Variants in DTNA observed in about 807,000 individuals in gnomAD.
DTNA encodes the protein dystrophin-related protein 3.
Under a neutral mutation model 100.7 loss-of-function variants are expected in DTNA, and 43 were observed. The ratio of observed to expected loss-of-function variants is 0.43; its 90% confidence interval spans 0.33 to 0.55. The LOEUF is 0.55. Among genes scored for constraint, DTNA ranks in the 20% least tolerant of loss-of-function variants. The pLI, the probability that DTNA is intolerant of heterozygous loss-of-function variation, is 0.04. For missense variants in DTNA, 798 were observed against 953.9 expected (o/e 0.84, Z 2.15); for synonymous variants, 349 against 347.9 (o/e 1.00, Z -0.04).
intron 3 of DTNA, among the ~76,000 whole-genome samples, chr18:34,777,924 C>T (rs2094138851): frequency 6.6e-6 from 1 of 152,182 alleles, no homozygotes; most frequent in Non-Finnish European, 1.5e-5. Flanking sequence ...GTGATCTGAA[C>T]TTTGACTTTT....
chr18:34,509,810 A>G (rs2040854835), intron 1 of DTNA, among the ~76,000 whole-genome samples: 1 of 152,096 alleles, frequency 6.6e-6, no homozygotes, highest in Non-Finnish European at 1.5e-5. Flanking sequence ...TGTAACAGCT[A>G]AAAATAAAAG....
rs149659148 is a variant in DTNA at position 34,526,462 on chromosome 18, T to C, written c.-2+32948T>C. Among the ~76,000 whole-genome samples, 1,226 of 152,262 alleles carry C rather than the reference T, an allele frequency of 8.1e-3. 15 individuals are homozygous for C. Among genetic ancestry groups the C allele is most frequent in the African/African-American group, 0.027 (1,129 of 41,568 alleles). On this transcript the variant is annotated intron_variant, in intron 1 of 19. Transcript: ENST00000283365. ...TGAAAATAGGGATAATGATGGTACCTCTATCAAGGGTTTTGGTGAGTATGT... is the reference window on the plus strand; with the variant it reads ...TGAAAATAGGGATAATGATGGTACCCCTATCAAGGGTTTTGGTGAGTATGT...
chr18:34,652,816 T>C (rs1278772346), intron 1 of DTNA, among the ~76,000 whole-genome samples: 2 of 152,214 alleles, frequency 1.3e-5, no homozygotes, highest in African/African-American at 4.8e-5. Context: ...ATGAGACTTC[T>C]GTTCTAGGTG....
chr18:34,568,913 G>T (rs766504917), intron 1 of DTNA, among the ~76,000 whole-genome samples: 55 of 152,256 alleles, frequency 3.6e-4, no homozygotes, highest in Admixed American at 6.5e-4. Flanking sequence ...GCCACACCTG[G>T]CCCATTTCTC....
chr18:34,836,009 A>T (rs2149681293), intron 11 of DTNA, among the ~76,000 whole-genome samples: 1 of 152,360 alleles, frequency 6.6e-6, no homozygotes, highest in East Asian at 1.9e-4. Context: ...TTTTGCAAGC[A>T]TCTGAAATAA....
intron 18 of DTNA, among the ~76,000 whole-genome samples, chr18:34,876,650 A>G (rs921526932): frequency 1.3e-5 from 2 of 152,202 alleles, no homozygotes; most frequent in Admixed American, 1.3e-4. Context: ...AGTGCGAGGA[A>G]AAAGGTACTC....
At chr18:34,501,829 G>A (rs566846796) in intron 1 of DTNA, among the ~76,000 whole-genome samples, 12 of 152,226 alleles carry the variant, frequency 7.9e-5, no homozygotes, top group South Asian at 2.1e-4. Flanking sequence ...ATGTTTTCAC[G>A]TGGTCTTTTC....
chr18:34,784,389 T>C (rs9961576), intron 3 of DTNA, among the ~76,000 whole-genome samples: 39,823 of 152,062 alleles, frequency 0.26, 5,396 homozygotes, highest in African/African-American at 0.32. Flanking sequence ...TAGGTCAATA[T>C]AAAATCTAAA....
At chr18:34,709,178 T>C (rs1301322251), upstream of DTNA, among the ~76,000 whole-genome samples, 2 of 152,178 alleles carry the variant, frequency 1.3e-5, no homozygotes, top group Admixed American at 1.3e-4. Flanking sequence ...TAGCCCTACC[T>C]AGTGCCAAGT....
chr18:34,618,784 AT>A (rs2055851873), intron 1 of DTNA, among the ~76,000 whole-genome samples: 1 of 152,188 alleles, frequency 6.6e-6, no homozygotes, highest in African/African-American at 2.4e-5. Flanking sequence ...GAAAACCTGT[AT>A]TTTTAAAATA....
intron 1 of DTNA, among the ~76,000 whole-genome samples, chr18:34,575,003 G>T (rs773392278): frequency 3.9e-5 from 6 of 152,126 alleles, no homozygotes; most frequent in Non-Finnish European, 5.9e-5. Context: ...ATAATATAAT[G>T]CTTTTACTAA....
Position 34,731,524 on chromosome 18 carries a change from G to C in DTNA, c.-2+21079G>C, listed in dbSNP as rs146191556. ...AGATTTGTGCGAATTTTAGATAAAAGGGATATACAATACTTTGCACAAAGT... is the reference window on the plus strand; with the variant it reads ...AGATTTGTGCGAATTTTAGATAAAACGGATATACAATACTTTGCACAAAGT... On this transcript the variant is annotated intron_variant, in intron 1 of 22. Coordinates refer to ENST00000444659, the MANE Select transcript of DTNA (RefSeq NM_001386795.1). 2.6e-3 allele frequency among the ~76,000 whole-genome samples: 402 copies of C among 152,138 alleles called. 2 individuals carry two copies. The highest frequency in any genetic ancestry group is 9.4e-3 in the African/African-American group (392 of 41,508).
chr18:34,495,433 C>T (rs1238340580), intron 1 of DTNA, among the ~76,000 whole-genome samples: 1 of 152,158 alleles, frequency 6.6e-6, no homozygotes, highest in Non-Finnish European at 1.5e-5. Context: ...TATTATAAAG[C>T]AAATGGCTAA....
chr18:34,496,672 A>G (rs1227190890), intron 1 of DTNA, among the ~76,000 whole-genome samples: 1 of 152,182 alleles, frequency 6.6e-6, no homozygotes, highest in Non-Finnish European at 1.5e-5. Flanking sequence ...ACAAGTTTTA[A>G]TAAAATAATT....
chr18:34,663,996 T>C (rs2075561945), intron 1 of DTNA, among the ~76,000 whole-genome samples: 1 of 152,198 alleles, frequency 6.6e-6, no homozygotes, highest in Non-Finnish European at 1.5e-5. Flanking sequence ...TAATAGATTA[T>C]ATGAAGTTCA....
intron 1 of DTNA, among the ~76,000 whole-genome samples, chr18:34,501,905 A>G (rs1005371219): frequency 1.3e-5 from 2 of 152,178 alleles, no homozygotes; most frequent in Non-Finnish European, 2.9e-5. Context: ...TAAGAACACC[A>G]GTCAGATTGG....
At chr18:34,691,781 C>G (rs1207798588) in intron 1 of DTNA, among the ~76,000 whole-genome samples, 1 of 152,326 alleles carries the variant, frequency 6.6e-6, no homozygotes, top group East Asian at 1.9e-4. Flanking sequence ...CCACACCCCT[C>G]CCTAAATCCC....
At chr18:34,499,443 G>A (rs2039652798) in intron 1 of DTNA, among the ~76,000 whole-genome samples, 3 of 152,106 alleles carry the variant, frequency 2.0e-5, no homozygotes, top group Non-Finnish European at 4.4e-5. Flanking sequence ...CTAAAACTAC[G>A]ATAGACGTTC....
intron 1 of DTNA, among the ~76,000 whole-genome samples, chr18:34,728,917 T>C (rs1330413128): frequency 6.6e-6 from 1 of 152,114 alleles, no homozygotes; most frequent in Non-Finnish European, 1.5e-5. Flanking sequence ...TTGGGGTGTG[T>C]GTACAGCCCT....
Sources: gnomAD v4.1 joint callset for allele counts (sites outside exome capture counted in the v4.1 genomes callset) on GRCh38, gnomAD v4.1.1 for gene constraint, MANE v1.5 for transcripts, NCBI Gene and HGNC (gene_info 2026-07-23, HGNC 2026-07-21) for gene names.